CDRT15: variants seen among roughly 807,000 people sequenced by gnomAD.
CDRT15 encodes CMT1A duplicated region transcript 15.
In CDRT15, 9 loss-of-function variants were observed where a neutral mutation model predicts 14.9. That is an observed-to-expected ratio of 0.60 (90% CI 0.36 to 1.06). The LOEUF (loss-of-function observed/expected upper bound fraction) is 1.06, where lower values mean the gene tolerates loss of function less well. CDRT15 is among the 50% of genes least tolerant of loss of function. The pLI is 0.01. For missense variants in CDRT15, 117 were observed against 235.3 expected (o/e 0.50, Z 3.29); for synonymous variants, 50 against 96.6 (o/e 0.52, Z 2.83).
In CDRT15 at chr17:14,236,293, G is replaced by C; in HGVS notation, c.400C>G (p.Pro134Ala). 1.2e-6 allele frequency: 2 copies of C among 1,612,336 alleles called. No homozygotes were observed. The highest frequency in any genetic ancestry group is 1.7e-6 in the Non-Finnish European group (2 of 1,179,688). The change falls in exon 2 of 3, where the codon CCT (proline) becomes GCT (alanine). Residue 134 changes from proline (P) to alanine (A), a missense_variant. Transcript: ENST00000420162. The stretch of plus-strand genomic sequence containing the variant: ...GCTACAGTACGTGCCGTGATTTCAG[G>C]CAGCTCCTCGTTGGTCTGGTCCTTG... ...PAKDQTNEELPEITEVPESIK... is the reference protein window; with the variant it reads ...PAKDQTNEELAEITEVPESIK...
In CDRT15 at chr17:14,236,110, G is replaced by A. The variant is rs1225910816; in HGVS notation, c.412-99C>T. Reference sequence around the variant, plus strand: ...AGAAGCCTCTCTCCAGCGAGGTACAGGAGGCCAGGCCAAATGCCCTGCTCT... The same window carrying A: ...AGAAGCCTCTCTCCAGCGAGGTACAAGAGGCCAGGCCAAATGCCCTGCTCT... On this transcript the variant is annotated intron_variant, in intron 2 of 2. Transcript: ENST00000420162. 3.4e-6 allele frequency: 5 copies of A among 1,491,104 alleles called. No homozygotes were observed. In the African/African-American group the frequency reaches 6.7e-5, roughly 20 times the overall value. 92.4% of individuals were successfully genotyped at this position (1,491,104 alleles called of 1,614,324 possible).
In CDRT15 at chr17:14,235,974, C is replaced by T. The variant is rs1273460108; in HGVS notation, c.449G>A (p.Arg150Lys). ...GGGAGCAGGCGTAGCTGCTGGAACT[C>T]TTCTTCCCAGCCTTCTTTTAATGCT... ...PESIKRRLGR[R>K]VPAATPAPRG... The change falls in exon 3 of 3, where the codon AGA (arginine) becomes AAA (lysine). Residue 150 changes from arginine (R) to lysine (K), a missense_variant. Physicochemically the swap from Arg to Lys is conservative, Grantham distance 26. This residue lies in a region of CDRT15 where 61 missense variants were observed against 138.2 expected (regional missense o/e 0.44). Transcript: ENST00000420162. 3 of 1,611,044 alleles carry T rather than the reference C, an allele frequency of 1.9e-6. No individual in the cohort carries two copies. The highest frequency in any genetic ancestry group is 2.7e-5 in the African/African-American group (2 of 75,050).
At chr17:14,236,173 C>T (rs1907379064) in intron 2 of CDRT15, 109 bp downstream of exon 2, 1 of 1,543,306 alleles carries the variant, frequency 6.5e-7, no homozygotes, top group Non-Finnish European at 8.8e-7. Flanking sequence ...GGACTAGGGG[C>T]AGCATGGGAG....
chr17:14,235,991 T>C lies in CDRT15; in HGVS notation c.432A>G (p.Lys144=). 6.2e-7 allele frequency: 1 copy of C among 1,611,634 alleles called. No individual in the cohort carries two copies. The highest frequency in any genetic ancestry group is 2.2e-5 in the East Asian group (1 of 44,840). ...PEITEVPESI[K]RRLGRRVPAA... is the part of the protein sequence containing the mutation. The stretch of plus-strand genomic sequence containing the variant: ...CTGGAACTCTTCTTCCCAGCCTTCT[T>C]TTAATGCTCTCCGGCACCTCCTGCA... The change falls in exon 3 of 3, where the codon AAA becomes AAG. Residue 144 remains lysine (K), a synonymous_variant. Transcript: ENST00000420162.
chr17:14,235,874 C>G lies in CDRT15; in HGVS notation c.549G>C (p.Leu183=), dbSNP rs62052128. Residue 183 remains leucine, a synonymous_variant, in exon 3 of 3, where the codon CTG becomes CTC. Coordinates refer to ENST00000420162, the MANE Select transcript of CDRT15 (RefSeq NM_001007530.3). ...CCGCCTGTTAAGGGCCTGTCCCGGG[C>G]AGCACATTAGGGGCAAACAGCCTGG... ...WASRLFAPNV[L]PGTGP 0.22 allele frequency: 336,381 copies of G among 1,541,966 alleles called. 6,257 individuals carry two copies. Among genetic ancestry groups the G allele is most frequent in the Middle Eastern group, 0.27 (1,285 of 4,722 alleles).
Position 14,236,536 on chromosome 17 carries a change from C to T in CDRT15, c.262+36G>A, listed in dbSNP as rs758614040. 5.7e-6 allele frequency: 9 copies of T among 1,571,094 alleles called. No homozygotes were observed. The East Asian group carries it at 1.6e-4, about 28-fold the overall frequency. On this transcript the variant is annotated intron_variant, in intron 1 of 2. Transcript: ENST00000420162. ...AGGGAATTCCAGCCCAAAATCACCG[C>T]CCCCGCAAAGTCTTCCAGGCTGCAG...
rs530621981 is a variant in CDRT15 at position 14,236,494 on chromosome 17, C to T, written c.263-64G>A. 3.9e-5 allele frequency: 61 copies of T among 1,546,132 alleles called. No individual in the cohort carries two copies. In the Middle Eastern group the frequency reaches 5.1e-4, roughly 13 times the overall value. ...CCACTGGAATTTCCAAACACAGAAA[C>T]GACCTCACTGAATTTAAGGGAATTC... On this transcript the variant is annotated intron_variant, in intron 1 of 2. Transcript: ENST00000420162.
chr17:14,236,562 G>T lies in CDRT15; in HGVS notation c.262+10C>A, dbSNP rs773190661. 3.2e-6 allele frequency: 5 copies of T among 1,549,944 alleles called. No individual in the cohort carries two copies. The highest frequency in any genetic ancestry group is 1.2e-5 in the South Asian group (1 of 82,994). Reference sequence around the variant, plus strand: ...CCCCGCAAAGTCTTCCAGGCTGCAGGCCACCTCACCAAGTGTCTGTGCCTC... The same window carrying T: ...CCCCGCAAAGTCTTCCAGGCTGCAGTCCACCTCACCAAGTGTCTGTGCCTC... On this transcript the variant is annotated intron_variant, in intron 1 of 2. Coordinates refer to ENST00000420162, the MANE Select transcript of CDRT15 (RefSeq NM_001007530.3).
Position 14,236,030 on chromosome 17 carries a change from G to T in CDRT15, c.412-19C>A, listed in dbSNP as rs150825694. 2.6e-6 allele frequency: 4 copies of T among 1,559,694 alleles called. No homozygotes were observed. The Admixed American group carries it at 6.9e-5, about 27-fold the overall frequency. ...GCACCTCCTGCACACAGATAAACCA[G>T]GATCAGGAGAATAAACGGACCTGCA... On this transcript the variant is annotated intron_variant, in intron 2 of 2. Coordinates refer to ENST00000420162, the MANE Select transcript of CDRT15 (RefSeq NM_001007530.3).
intron 2 of CDRT15, 78 bp downstream of exon 2, chr17:14,236,204 G>T (rs1475639703): frequency 3.7e-5 from 58 of 1,582,780 alleles, no homozygotes; most frequent in Middle Eastern, 2.1e-4. Context: ...GGGCTGTGCT[G>T]GTCACCCCCT....
rs1411002774 is a variant in CDRT15, at chr17:14,236,093, C to T, written c.412-82G>A. ...TGGTTCTAGTGAATGAGAGAAGCCT[C>T]TCTCCAGCGAGGTACAGGAGGCCAG... is the stretch of plus-strand genomic sequence containing the variant. On this transcript the variant is annotated intron_variant, in intron 2 of 2. Transcript: ENST00000420162. The T allele has an allele frequency of 6.0e-6, 9 of 1,505,062 alleles. 1 individual carries two copies. The highest frequency in any genetic ancestry group is 1.3e-5 in the African/African-American group (1 of 74,386). The allele number at this position is 1,505,062 out of a possible 1,614,324, so 93.2% of individuals were successfully genotyped here.
chr17:14,236,058 A>G, intron 2 of CDRT15, 47 bp from the exon 3 acceptor site: 1 of 1,592,198 alleles, frequency 6.3e-7, no homozygotes, highest in Non-Finnish European at 8.6e-7. Flanking sequence ...GACCTGCAGC[A>G]GCAGGACTGT....
the CDRT15 span, chr17:14,236,013 T>C: frequency 1.2e-6 from 2 of 1,610,552 alleles, no homozygotes; most frequent in East Asian, 2.2e-5. Context: ...CGGCACCTCC[T>C]GCACACAGAT....
rs766114868 is a variant in CDRT15 at position 14,236,008 on chromosome 17, C to T, written c.415G>A (p.Val139Met). ...TNEELPEITE[V>M]PESIKRRLGR... ...AGCCTTCTTTTAATGCTCTCCGGCA[C>T]CTCCTGCACACAGATAAACCAGGAT... Residue 139 changes from valine to methionine, a missense_variant, in exon 3 of 3, where the codon GTG (valine) becomes ATG (methionine). By Grantham distance (21) the Val-to-Met change is conservative (BLOSUM62 1). Transcript: ENST00000420162. 1.2e-5 allele frequency: 19 copies of T among 1,610,686 alleles called. No individual in the cohort carries two copies. In the Middle Eastern group the frequency reaches 6.6e-4, roughly 56 times the overall value.
Position 14,236,649 on chromosome 17 carries a change from G to A in CDRT15, c.185C>T (p.Pro62Leu), listed in dbSNP as rs2142288525. ...LGQALAGQAT[P>L]EIPLGLQLHT... ...CAGCTGCAGCCCCAATGGGATCTCT[G>A]GTGTGGCCTGGCCTGCTAGGGCCTG... Residue 62 changes from proline to leucine, a missense_variant, in exon 1 of 3, where the codon CCA becomes CTA. Coordinates refer to ENST00000420162, the MANE Select transcript of CDRT15 (RefSeq NM_001007530.3). 6.2e-7 allele frequency: 1 copy of A among 1,600,056 alleles called. No individual in the cohort carries two copies. The highest frequency in any genetic ancestry group is 8.5e-7 in the Non-Finnish European group (1 of 1,172,964).
chr17:14,236,146 G>A lies in CDRT15; in HGVS notation c.412-135C>T, dbSNP rs570697258. On this transcript the variant is annotated intron_variant, in intron 2 of 2. Transcript: ENST00000420162. ...CAAATGCCCTGCTCTCTGCCTGCAT[G>A]TTTGCCACCGTGCCCAGGACTAGGG... 6 of 1,501,922 alleles carry A rather than the reference G, an allele frequency of 4.0e-6. No individual in the cohort carries two copies. The East Asian group carries it at 9.0e-5, about 23-fold the overall frequency. 93.0% of individuals were successfully genotyped at this position (1,501,922 alleles called of 1,614,324 possible).
chr17:14,236,526 A>G (rs754518151), intron 1 of CDRT15, 46 bp downstream of exon 1: 1 of 1,570,068 alleles, frequency 6.4e-7, no homozygotes, highest in East Asian at 2.3e-5. Context: ...ATTCCAGCCC[A>G]AAATCACCGC....
rs770684495 is a variant in CDRT15 at position 14,236,728 on chromosome 17, G to A, written c.106C>T (p.Arg36Cys). 50 of 1,611,968 alleles carry A rather than the reference G, an allele frequency of 3.1e-5. No homozygotes were observed. Among genetic ancestry groups the A allele is most frequent in the African/African-American group, 1.1e-4 (8 of 74,824 alleles). ...CRRRLIPHPR[R>C]LSPVVIRRIQ... ...CGCCTTATTACAACGGGCGACAGGC[G>A]TCTGGGGTGAGGGATGAGCCTTCTT... The change falls in exon 1 of 3, where the codon CGC (arginine) becomes TGC (cysteine). Residue 36 changes from arginine to cysteine, a missense_variant. Coordinates refer to ENST00000420162, the MANE Select transcript of CDRT15 (RefSeq NM_001007530.3).
At position 14,236,713 on chromosome 17, in the gene CDRT15, C is replaced by A; in HGVS notation, c.121G>T (p.Val41Leu). 1 of 1,612,180 alleles carries A rather than the reference C, an allele frequency of 6.2e-7. No homozygotes were observed. Among genetic ancestry groups the A allele is most frequent in the Non-Finnish European group, 8.5e-7 (1 of 1,179,728 alleles). The change falls in exon 1 of 3, where the codon GTA (valine) becomes TTA (leucine). Residue 41 changes from valine (V) to leucine (L), a missense_variant. Val to Leu is a conservative substitution (Grantham distance 32). Transcript: ENST00000420162. ...TGTGGTACCTGGATGCGCCTTATTA[C>A]AACGGGCGACAGGCGTCTGGGGTGA... is the stretch of plus-strand genomic sequence containing the variant. ...IPHPRRLSPV[V>L]IRRIQVPQDS... is the part of the protein sequence containing the mutation.
Sources: allele counts gnomAD v4.1 joint callset, GRCh38; gene constraint gnomAD v4.1.1; regional missense constraint gnomAD v4.1.1; transcripts MANE v1.5; gene names NCBI Gene and HGNC (gene_info 2026-07-23, HGNC 2026-07-21).